NAV3: variants seen among roughly 807,000 people sequenced by gnomAD.
The protein encoded by NAV3 is neuron navigator 3, also known as pore membrane and/or filament interacting like protein 1.
Under a neutral mutation model 244.7 loss-of-function variants are expected in NAV3, and 87 were observed. The ratio of observed to expected loss-of-function variants is 0.36; its 90% CI spans 0.30 to 0.42. The LOEUF is 0.42. Among genes scored for constraint, NAV3 ranks in the 20% least tolerant of loss-of-function variants. The pLI is 1.00. For synonymous variants in NAV3, 1,126 were observed against 1,042.2 expected, an observed-to-expected ratio of 1.08 and a Z score of -1.55; for missense variants, 2,663 against 2,893.3, an observed-to-expected ratio of 0.92 and a Z score of 1.83.
intron 7 of NAV3, among the ~76,000 whole-genome samples, chr12:78,004,918 C>A (rs898581094): frequency 2.0e-5 from 3 of 152,060 alleles, no homozygotes; most frequent in Non-Finnish European, 2.9e-5. Flanking sequence ...ATTCAGAGTC[C>A]CTCTTGTTTC....
In NAV3 at chr12:77,985,246, C is replaced by T. The variant is rs12303549; in HGVS notation, c.672-9557C>T. Among the ~76,000 whole-genome samples the T allele has an allele frequency of 3.4e-3, 515 of 152,298 alleles. 4 individuals are homozygous for T. Among genetic ancestry groups the T allele is most frequent in the African/African-American group, 0.012 (488 of 41,556 alleles). On this transcript the variant is annotated intron_variant, in intron 5 of 39. Coordinates refer to ENST00000397909, the MANE Select transcript of NAV3 (RefSeq NM_001024383.2). ...AAATCTTTCTGACACAGTGCCAGTA[C>T]ATCGGAGGTGGTCAATAAAAGTCTT...
At chr12:77,824,894 A>AAACAAC (rs149054152) in intron 2 of NAV3, among the ~76,000 whole-genome samples, 88 of 150,482 alleles carry the variant, frequency 5.8e-4, no homozygotes, top group Middle Eastern at 3.4e-3. Flanking sequence ...TCCGTCTCAA[A>AAACAAC]AACAACAACA....
chr12:77,674,459 T>A (rs910969816), intron 2 of NAV3, among the ~76,000 whole-genome samples: 2 of 152,156 alleles, frequency 1.3e-5, no homozygotes, highest in African/African-American at 2.4e-5. Flanking sequence ...CATGGCTCAC[T>A]GTAGCCTCAA....
intron 24 of NAV3, among the ~76,000 whole-genome samples, chr12:78,169,392 A>G (rs931966246): frequency 1.8e-4 from 28 of 151,724 alleles, no homozygotes; most frequent in African/African-American, 6.5e-4. Context: ...GCTCTGTTTT[A>G]AATTATTCCT....
chr12:78,199,568 A>T (rs750879116), intron 37 of NAV3, 37 bp downstream of exon 37: 6 of 1,473,342 alleles, frequency 4.1e-6, no homozygotes, highest in Non-Finnish European at 5.5e-6. Context: ...TTTTCCAGGA[A>T]CTAACAGTGC....
Position 77,620,035 on chromosome 12 carries a change from A to G in NAV3, c.72+47769A>G, listed in dbSNP as rs528105481. ...CAAACAAACAGATTTTCTTCATTGT[A>G]AAATTAAGGAGTCTTTTCATTTGGA... On this transcript the variant is annotated intron_variant, in intron 2 of 8. Coordinates refer to the NAV3 transcript ENST00000550042. 4.5e-4 allele frequency among the ~76,000 whole-genome samples: 69 copies of G among 152,332 alleles called. No individual in the cohort carries two copies. In the South Asian group the frequency reaches 6.6e-3, roughly 15 times the overall value.
chr12:77,584,844 T>A (rs529689197), intron 2 of NAV3, among the ~76,000 whole-genome samples: 1 of 152,250 alleles, frequency 6.6e-6, no homozygotes, highest in Admixed American at 6.5e-5. Context: ...AGTATTTGAT[T>A]TCCCCCCTCA....
chr12:77,732,127 T>A (rs2137347681), intron 2 of NAV3, among the ~76,000 whole-genome samples: 1 of 152,146 alleles, frequency 6.6e-6, no homozygotes, highest in East Asian at 1.9e-4. Context: ...ATGTTCTTTT[T>A]CTTCATCAAG....
chr12:78,146,489 T>C (rs1490536091), intron 21 of NAV3, 97 bp downstream of exon 21: 2 of 405,674 alleles, frequency 4.9e-6, no homozygotes, highest in African/African-American at 4.1e-5. Flanking sequence ...TGTGATACAA[T>C]AGCAGAACTC....
intron 2 of NAV3, among the ~76,000 whole-genome samples, chr12:77,659,295 T>C (rs933798629): frequency 6.6e-5 from 10 of 151,346 alleles, no homozygotes; most frequent in African/African-American, 1.7e-4. Context: ...AAAAAGTGGG[T>C]GAAGGACATG....
chr12:78,182,560 A>T (rs186492207), intron 30 of NAV3, among the ~76,000 whole-genome samples: 12,400 of 151,916 alleles, frequency 0.082, 634 homozygotes, highest in Non-Finnish European at 0.13. Context: ...GACACATATA[A>T]AAAAAACTTA....
At chr12:77,767,992 C>G (rs1266839628) in intron 2 of NAV3, among the ~76,000 whole-genome samples, 2 of 152,168 alleles carry the variant, frequency 1.3e-5, no homozygotes, top group Non-Finnish European at 1.5e-5. Context: ...CTTTATTGAG[C>G]AACAGTACAG....
At chr12:78,010,322 G>C (rs889787448) in intron 8 of NAV3, among the ~76,000 whole-genome samples, 1 of 152,042 alleles carries the variant, frequency 6.6e-6, no homozygotes. Flanking sequence ...TAAAATCCCT[G>C]ACAATTATTT....
intron 12 of NAV3, among the ~76,000 whole-genome samples, chr12:78,064,395 G>GTGTC (rs3054540): frequency 0.13 from 17,510 of 139,542 alleles, 1,888 homozygotes; most frequent in East Asian, 0.35. Context: ...CTATCTATCT[G>GTGTC]TGTCTGTCTG....
intron 1 of NAV3, among the ~76,000 whole-genome samples, chr12:77,918,837 A>G (rs1887424486): frequency 6.6e-6 from 1 of 152,168 alleles, no homozygotes; most frequent in Non-Finnish European, 1.5e-5. Flanking sequence ...TGCTTGTATC[A>G]TGTTTGCTAA....
At chr12:77,823,832 G>A (rs1223467584) in intron 2 of NAV3, among the ~76,000 whole-genome samples, 1 of 152,136 alleles carries the variant, frequency 6.6e-6, no homozygotes, top group Non-Finnish European at 1.5e-5. Flanking sequence ...TAGCAGACAA[G>A]TTGTTGTTAA....
intron 2 of NAV3, among the ~76,000 whole-genome samples, chr12:77,645,272 T>G (rs995102382): frequency 4.0e-5 from 6 of 151,878 alleles, no homozygotes; most frequent in Non-Finnish European, 8.8e-5. Flanking sequence ...TCTTATGATT[T>G]TTTTTTTCTT....
intron 2 of NAV3, among the ~76,000 whole-genome samples, chr12:77,660,267 A>T (rs1873372924): frequency 6.6e-6 from 1 of 152,210 alleles, no homozygotes; most frequent in Non-Finnish European, 1.5e-5. Flanking sequence ...ATGGTTTGTT[A>T]AATGGAACAC....
At chr12:77,943,452 C>T (rs2137523198) in intron 3 of NAV3, among the ~76,000 whole-genome samples, 1 of 152,252 alleles carries the variant, frequency 6.6e-6, no homozygotes, top group Admixed American at 6.5e-5. Flanking sequence ...AGTTGGCATG[C>T]CTTCAATTTC....
Sources: allele counts gnomAD v4.1 joint callset (sites outside exome capture counted in the v4.1 genomes callset), GRCh38; gene constraint gnomAD v4.1.1; transcripts MANE v1.5; gene names NCBI Gene and HGNC (gene_info 2026-07-23, HGNC 2026-07-21).